Variants in ZC3H3 observed in about 807,000 individuals in gnomAD.
ZC3H3 encodes zinc finger CCCH-type containing 3, also known as zinc finger CCCH domain-containing protein 3.
ZC3H3 carries 36 observed loss-of-function variants against 77.3 expected under a neutral mutation model. That is an observed-to-expected ratio of 0.47 (90% CI 0.36 to 0.61). The LOEUF is 0.61. ZC3H3 is among the 20% of genes least tolerant of loss of function. ZC3H3 has a pLI of 0.00. For missense variants in ZC3H3, 1,331 were observed against 1,312.2 expected (o/e 1.01, Z -0.22); for synonymous variants, 626 against 555.2 (o/e 1.13, Z -1.79).
chr8:143,442,383 G>A (rs1014594864), intron 9 of ZC3H3, among the ~76,000 whole-genome samples: 3 of 145,430 alleles, frequency 2.1e-5, no homozygotes, highest in African/African-American at 7.7e-5. Flanking sequence ...TCCTGCAGCA[G>A]AGCAGGCTTC....
chr8:143,518,713 G>T (rs555000537), intron 3 of ZC3H3, among the ~76,000 whole-genome samples: 27 of 152,354 alleles, frequency 1.8e-4, no homozygotes, highest in Middle Eastern at 3.4e-3. Flanking sequence ...GCTGGAGATG[G>T]CACGTGGGAG....
intron 3 of ZC3H3, among the ~76,000 whole-genome samples, chr8:143,521,095 C>G (rs942126978): frequency 6.6e-6 from 1 of 151,000 alleles, no homozygotes; most frequent in Non-Finnish European, 1.5e-5. Context: ...CAGGCCCGGC[C>G]CCGCCACAGC....
At chr8:143,480,676 C>CA (rs1208613099) in intron 4 of ZC3H3, among the ~76,000 whole-genome samples, 3 of 152,244 alleles carry the variant, frequency 2.0e-5, no homozygotes, top group Non-Finnish European at 4.4e-5. Context: ...AATGCGGCTC[C>CA]TCGGGTGAGT....
intron 3 of ZC3H3, 80 bp from the exon 4 acceptor site, chr8:143,507,979 A>C (rs1224156257): frequency 4.2e-6 from 6 of 1,418,666 alleles, no homozygotes; most frequent in Middle Eastern, 4.7e-4. Flanking sequence ...CCACAGTGCC[A>C]GCTCTGCCCA....
intron 4 of ZC3H3, among the ~76,000 whole-genome samples, chr8:143,484,191 G>A (rs1586912001): frequency 6.6e-6 from 1 of 152,222 alleles, no homozygotes; most frequent in Admixed American, 6.5e-5. Flanking sequence ...CTCGTGGGGT[G>A]GAGGCTCTGT....
intron 3 of ZC3H3, among the ~76,000 whole-genome samples, chr8:143,531,882 C>G (rs1822622506): frequency 6.6e-6 from 1 of 152,176 alleles, no homozygotes; most frequent in Non-Finnish European, 1.5e-5. Context: ...AAAATCTTTT[C>G]CCTGATTAAT....
intron 9 of ZC3H3, among the ~76,000 whole-genome samples, chr8:143,457,164 A>T (rs1228360196): frequency 6.6e-6 from 1 of 152,246 alleles, no homozygotes; most frequent in Non-Finnish European, 1.5e-5. Flanking sequence ...CACATGGGAC[A>T]TATACCAAGA....
In ZC3H3 at chr8:143,440,102, C is replaced by A. The variant is rs764836333; in HGVS notation, c.2754G>T (p.Ser918=). The change falls in exon 11 of 12, where the codon TCG becomes TCT. Residue 918 remains serine, a synonymous_variant. Coordinates refer to ENST00000262577, the MANE Select transcript of ZC3H3 (RefSeq NM_015117.3). ...KLPSFISLQS[S]PSPGAQPRVR... is the part of the protein sequence containing the mutation. ...CCCTGGGCTGGGCTCCTGGGCTCGG[C>A]GAGGACTGCAGGGAGATGAAGGAAG... 6.2e-7 allele frequency: 1 copy of A among 1,607,376 alleles called. No homozygotes were observed. The highest frequency in any genetic ancestry group is 8.5e-7 in the Non-Finnish European group (1 of 1,178,050).
chr8:143,448,134 A>AAAAC (rs1007389297), intron 9 of ZC3H3, among the ~76,000 whole-genome samples: 5 of 151,984 alleles, frequency 3.3e-5, no homozygotes, highest in Non-Finnish European at 4.4e-5. Context: ...CTCAAAAAAC[A>AAAAC]AAACAAACAA....
chr8:143,520,508 CG>C (rs1482006095), intron 3 of ZC3H3, among the ~76,000 whole-genome samples: 3 of 152,188 alleles, frequency 2.0e-5, no homozygotes, highest in African/African-American at 7.2e-5. Context: ...TGGGAAGCAC[CG>C]GGGTGCAGGT....
rs114687909 is a variant in ZC3H3, at chr8:143,472,907, T to G, written c.1903+2491A>C. On this transcript the variant is annotated intron_variant, in intron 5 of 11. Coordinates refer to ENST00000262577, the MANE Select transcript of ZC3H3 (RefSeq NM_015117.3). ...AGCTGCTGCAGTGGGGGCCACTCCC[T>G]GAGTGGGTGGGTCCTCCCTGGGATG... Among the ~76,000 whole-genome samples the G allele has an allele frequency of 2.7e-3, 416 of 152,276 alleles. 1 individual carries two copies. The highest frequency in any genetic ancestry group is 9.6e-3 in the African/African-American group (401 of 41,568).
intron 11 of ZC3H3, 79 bp downstream of exon 11, chr8:143,439,962 G>A (rs1437110735): frequency 8.1e-7 from 1 of 1,235,714 alleles, no homozygotes; most frequent in Non-Finnish European, 1.1e-6. Flanking sequence ...GGCCCTGGGG[G>A]CCTGAGCCAG....
intron 3 of ZC3H3, among the ~76,000 whole-genome samples, chr8:143,515,751 C>T (rs909684889): frequency 1.3e-5 from 2 of 152,236 alleles, no homozygotes; most frequent in African/African-American, 4.8e-5. Flanking sequence ...GCCCACGATG[C>T]CCACAGATGG....
intron 5 of ZC3H3, among the ~76,000 whole-genome samples, chr8:143,469,774 G>A (rs1003536225): frequency 1.3e-5 from 2 of 152,188 alleles, no homozygotes; most frequent in African/African-American, 4.8e-5. Flanking sequence ...AGGATCACGG[G>A]GTGGGCAGGG....
chr8:143,464,283 G>A (rs918312097), intron 9 of ZC3H3, among the ~76,000 whole-genome samples: 3 of 152,252 alleles, frequency 2.0e-5, no homozygotes, highest in South Asian at 2.1e-4. Context: ...CATTTAAATC[G>A]AAACATTTTA....
intron 9 of ZC3H3, among the ~76,000 whole-genome samples, chr8:143,464,279 A>T (rs1224581178): frequency 6.6e-6 from 1 of 152,238 alleles, no homozygotes; most frequent in East Asian, 1.9e-4. Context: ...TTTTCATTTA[A>T]ATCGAAACAT....
At position 143,538,250 on chromosome 8, in the gene ZC3H3, C is replaced by T. The variant is rs1333979056; in HGVS notation, c.1117G>A (p.Ala373Thr). The T allele has an allele frequency of 1.2e-5, 19 of 1,613,028 alleles. No individual in the cohort carries two copies. In the East Asian group the frequency reaches 3.3e-4, roughly 28 times the overall value. Reference sequence around the variant, plus strand: ...GCCTTCCACTTGTACTTGCTGGGGGCAGACCCTGGCTTGGAGGACGTGGCT... The same window carrying T: ...GCCTTCCACTTGTACTTGCTGGGGGTAGACCCTGGCTTGGAGGACGTGGCT... ...KPATSSKPGS[A>T]PSKYKWKASS... The change falls in exon 2 of 12, where the codon GCC becomes ACC. Residue 373 changes from alanine to threonine, a missense_variant. Ala to Thr is a moderately conservative substitution (Grantham distance 58, BLOSUM62 0). Around this residue, in one of 3 missense-constraint regions of ZC3H3, gnomAD observed 978 missense variants for 915.5 expected, o/e 1.07. Transcript: ENST00000262577.
chr8:143,520,275 G>A (rs1178108172), intron 3 of ZC3H3, among the ~76,000 whole-genome samples: 7 of 152,338 alleles, frequency 4.6e-5, no homozygotes, highest in South Asian at 2.1e-4. Context: ...GATGTCTCCC[G>A]GGAGAGGGCA....
intron 4 of ZC3H3, among the ~76,000 whole-genome samples, chr8:143,502,567 A>G (rs1821558232): frequency 2.0e-5 from 3 of 152,240 alleles, no homozygotes; most frequent in African/African-American, 7.2e-5. Flanking sequence ...TGACAGGACC[A>G]TTTGTAGTCA....
Sources: allele counts gnomAD v4.1 joint callset (sites outside exome capture counted in the v4.1 genomes callset), GRCh38; gene constraint gnomAD v4.1.1; regional missense constraint gnomAD v4.1.1; transcripts MANE v1.5; gene names NCBI Gene and HGNC (gene_info 2026-07-23, HGNC 2026-07-21).